NXPH1: variants seen among roughly 807,000 people sequenced by gnomAD.
NXPH1 encodes neurexophilin-1.
NXPH1 carries 5 observed loss-of-function variants against 23.7 expected under a neutral mutation model. That is an observed-to-expected ratio of 0.21 (90% CI 0.11 to 0.44). The LOEUF (loss-of-function observed/expected upper bound fraction) is 0.44. Among genes scored for constraint, NXPH1 ranks in the 20% least tolerant of loss-of-function variants. The pLI is 0.99. For missense variants in NXPH1, 324 were observed against 321.6 expected, an observed-to-expected ratio of 1.01 and a Z score of -0.06; for synonymous variants, 144 against 122.2, an observed-to-expected ratio of 1.18 and a Z score of -1.18.
At chr7:8,608,304 A>C (rs988750424) in intron 2 of NXPH1, among the ~76,000 whole-genome samples, 1 of 151,652 alleles carries the variant, frequency 6.6e-6, no homozygotes, top group African/African-American at 2.4e-5. Flanking sequence ...ATTATTCATT[A>C]GGACAAATTC....
At chr7:8,733,662 G>T (rs1780197059) in intron 2 of NXPH1, among the ~76,000 whole-genome samples, 1 of 151,476 alleles carries the variant, frequency 6.6e-6, no homozygotes, top group African/African-American at 2.4e-5. Context: ...TATGTTTTTT[G>T]GCCACATAAA....
At chr7:8,721,499 T>A (rs182470185) in intron 2 of NXPH1, among the ~76,000 whole-genome samples, 1 of 152,168 alleles carries the variant, frequency 6.6e-6, no homozygotes, top group East Asian at 1.9e-4. Flanking sequence ...TAAAAATGCA[T>A]TTCTTGTGGC....
intron 2 of NXPH1, among the ~76,000 whole-genome samples, chr7:8,711,133 AC>A (rs1779788034): frequency 6.6e-6 from 1 of 152,176 alleles, no homozygotes; most frequent in Non-Finnish European, 1.5e-5. Flanking sequence ...TAAAGGGTGA[AC>A]CATTTCCAAG....
intron 2 of NXPH1, among the ~76,000 whole-genome samples, chr7:8,517,668 C>T (rs1006130007): frequency 6.6e-6 from 1 of 152,138 alleles, no homozygotes; most frequent in Non-Finnish European, 1.5e-5. Flanking sequence ...GATCTCTCCT[C>T]ATATTTGTGC....
intron 2 of NXPH1, among the ~76,000 whole-genome samples, chr7:8,556,076 C>T (rs530769403): frequency 6.6e-6 from 1 of 151,776 alleles, no homozygotes; most frequent in East Asian, 2.0e-4. Context: ...TCCTTCTTCC[C>T]TCCATCCAGG....
intron 2 of NXPH1, among the ~76,000 whole-genome samples, chr7:8,744,932 G>A (rs897192423): frequency 3.3e-5 from 5 of 151,998 alleles, no homozygotes; most frequent in Admixed American, 2.6e-4. Context: ...TATTTAATTA[G>A]TCTCCCTTCC....
At chr7:8,510,528 C>CTAAGTATATGTTT (rs1410701429) in intron 2 of NXPH1, among the ~76,000 whole-genome samples, 3 of 151,802 alleles carry the variant, frequency 2.0e-5, no homozygotes, top group Non-Finnish European at 4.4e-5. Context: ...ACATATAGGG[C>CTAAGTATATGTTT]CACAGGGGAA....
intron 2 of NXPH1, among the ~76,000 whole-genome samples, chr7:8,478,005 C>T (rs1817006284): frequency 6.7e-6 from 1 of 148,766 alleles, no homozygotes; most frequent in Non-Finnish European, 1.5e-5. Context: ...TAATTTGATT[C>T]CCATTGCTAC....
intron 2 of NXPH1, among the ~76,000 whole-genome samples, chr7:8,578,728 T>C (rs1400377619): frequency 3.9e-5 from 6 of 152,182 alleles, no homozygotes; most frequent in African/African-American, 1.4e-4. Context: ...TACCAGAGCA[T>C]GCTTGCTGCC....
chr7:8,473,659 T>C (rs1054545376), intron 2 of NXPH1, among the ~76,000 whole-genome samples: 3 of 152,146 alleles, frequency 2.0e-5, no homozygotes, highest in Admixed American at 6.6e-5. Flanking sequence ...AATAAGCTTA[T>C]ATTATCATTT....
chr7:8,742,954 AGTGTGTGC>A (rs201926389), intron 2 of NXPH1, among the ~76,000 whole-genome samples: 2,982 of 152,094 alleles, frequency 0.02, 46 homozygotes, highest in South Asian at 0.05. Context: ...AAAGTTAGTG[AGTGTGTGC>A]GTGTGTGCGT....
chr7:8,494,041 T>C (rs894927345), intron 2 of NXPH1, among the ~76,000 whole-genome samples: 1 of 152,058 alleles, frequency 6.6e-6, no homozygotes, highest in African/African-American at 2.4e-5. Context: ...TTCTTTCTTA[T>C]GTATAGTATC....
intron 2 of NXPH1, among the ~76,000 whole-genome samples, chr7:8,450,392 C>T (rs1413626758): frequency 6.6e-6 from 1 of 152,204 alleles, no homozygotes; most frequent in Non-Finnish European, 1.5e-5. Flanking sequence ...TAGTTTAAAA[C>T]CTTACAGTCA....
intron 2 of NXPH1, among the ~76,000 whole-genome samples, chr7:8,510,820 C>G (rs985645561): frequency 6.6e-6 from 1 of 152,062 alleles, no homozygotes; most frequent in Non-Finnish European, 1.5e-5. Flanking sequence ...AAGGCATTTG[C>G]CACTCTACAC....
intron 2 of NXPH1, among the ~76,000 whole-genome samples, chr7:8,503,605 C>G (rs888961237): frequency 6.6e-6 from 1 of 152,008 alleles, no homozygotes; most frequent in Admixed American, 6.6e-5. Context: ...ATGTGTCCAA[C>G]CCAAACCTCA....
intron 2 of NXPH1, among the ~76,000 whole-genome samples, chr7:8,651,428 A>G (rs1322050224): frequency 2.2e-5 from 3 of 139,168 alleles, no homozygotes; most frequent in Admixed American, 1.5e-4. Context: ...GCCGCAATAA[A>G]CATACGTGTG....
At chr7:8,745,872 C>T (rs58518333) in intron 2 of NXPH1, among the ~76,000 whole-genome samples, 1 of 152,140 alleles carries the variant, frequency 6.6e-6, no homozygotes, top group African/African-American at 2.4e-5. Context: ...CGGCCCTGTT[C>T]TTTATTCTTG....
chr7:8,712,995 T>C (rs1779820182), intron 2 of NXPH1, among the ~76,000 whole-genome samples: 1 of 152,160 alleles, frequency 6.6e-6, no homozygotes, highest in African/African-American at 2.4e-5. Context: ...TTCCTTAGAA[T>C]AAGCTTTTTA....
At chr7:8,499,043 A>G (rs1212047071) in intron 2 of NXPH1, among the ~76,000 whole-genome samples, 1 of 152,090 alleles carries the variant, frequency 6.6e-6, no homozygotes, top group Non-Finnish European at 1.5e-5. Context: ...GATTCTACAT[A>G]GTGTAAAGCC....
Sources: allele counts gnomAD v4.1 joint callset (sites outside exome capture counted in the v4.1 genomes callset), GRCh38; gene constraint gnomAD v4.1.1; transcripts MANE v1.5; gene names NCBI Gene and HGNC (gene_info 2026-07-23, HGNC 2026-07-21).